CFAP54: variants seen among roughly 807,000 people sequenced by gnomAD.
CFAP54 encodes the protein cilia and flagella associated protein 54, also known as cilia- and flagella-associated protein 54.
In CFAP54, 290 loss-of-function variants were observed where a neutral mutation model predicts 370.4. That is an observed-to-expected ratio of 0.78 (90% CI 0.71 to 0.86). The LOEUF is 0.86. CFAP54 is among the 40% of genes least tolerant of loss of function. The pLI is 0.00. For missense variants in CFAP54, 3,399 were observed against 3,528.7 expected (o/e 0.96, Z 0.93); for synonymous variants, 1,206 against 1,236.5 (o/e 0.98, Z 0.52).
intron 15 of CFAP54, among the ~76,000 whole-genome samples, chr12:96,549,023 T>G (rs1483976224): frequency 6.6e-6 from 1 of 152,028 alleles, no homozygotes; most frequent in Non-Finnish European, 1.5e-5. Context: ...CCCAGCTAAT[T>G]TTTTGTATTT....
intron 1 of CFAP54, among the ~76,000 whole-genome samples, chr12:96,499,307 AC>A (rs1181358785): frequency 1.3e-5 from 2 of 152,144 alleles, no homozygotes; most frequent in Non-Finnish European, 2.9e-5. Flanking sequence ...TGGGCCAAAG[AC>A]CTTAACAGAC....
In CFAP54 at chr12:96,538,478, A is replaced by G; in HGVS notation, c.1886A>G (p.Asn629Ser). ...ATTCAGCGGCTCAATATATCCAGAA[A>G]TGACTATGCAAAATTCACCCAGAAA... ...LGIQRLNISRNDYAKFTQKIS... is the reference protein window; with the variant it reads ...LGIQRLNISRSDYAKFTQKIS... Residue 629 changes from asparagine (N) to serine (S), a missense_variant, in exon 13 of 68, where the codon AAT becomes AGT. Transcript: ENST00000524981. The G allele has an allele frequency of 6.5e-7, 1 of 1,536,248 alleles. No homozygotes were observed. The highest frequency in any genetic ancestry group is 8.7e-7 in the Non-Finnish European group (1 of 1,146,876).
Position 96,744,132 on chromosome 12 carries a change from T to C in CFAP54, c.7670T>C (p.Ile2557Thr). 2 of 1,605,624 alleles carry C rather than the reference T, an allele frequency of 1.2e-6. No homozygotes were observed. The highest frequency in any genetic ancestry group is 1.7e-6 in the Non-Finnish European group (2 of 1,174,048). Residue 2557 changes from isoleucine (I) to threonine (T), a missense_variant, in exon 55 of 68, where the codon ATA becomes ACA. By Grantham distance (89) the Ile-to-Thr change is moderately conservative. This residue lies in a region of CFAP54 where 2,796 missense variants were observed against 2,869.7 expected (regional missense o/e 0.97). Transcript: ENST00000524981. ...CCCCATGTCATGTTATTGGCCAAAATAAAAATGAGAATTGGTAAGAACATT... is the reference window on the plus strand; with the variant it reads ...CCCCATGTCATGTTATTGGCCAAAACAAAAATGAGAATTGGTAAGAACATT... ...YLPHVMLLAK[I>T]KMRIGHTVAK...
At chr12:96,599,488 T>G (rs1459853411) in intron 26 of CFAP54, among the ~76,000 whole-genome samples, 1 of 152,200 alleles carries the variant, frequency 6.6e-6, no homozygotes, top group Non-Finnish European at 1.5e-5. Context: ...TGTGTCTTTA[T>G]AGCAGAATGA....
At chr12:96,579,045 T>C (rs1956007308) in intron 20 of CFAP54, among the ~76,000 whole-genome samples, 1 of 152,172 alleles carries the variant, frequency 6.6e-6, no homozygotes, top group African/African-American at 2.4e-5. Flanking sequence ...CAAATTCTGG[T>C]TTATATAATA....
chr12:96,748,357 G>A (rs1489751745), intron 55 of CFAP54, among the ~76,000 whole-genome samples: 3 of 151,958 alleles, frequency 2.0e-5, no homozygotes, highest in African/African-American at 7.3e-5. Flanking sequence ...CCTTTTTAAA[G>A]AAACTCTATT....
chr12:96,621,600 C>A lies in CFAP54; in HGVS notation c.3650C>A (p.Ser1217Ter). Reference sequence around the variant, plus strand: ...AATATTTTAAATTAGATTCTTCGTTCATGGAGGGAATATGACCTGGCAGTA... The same window carrying A: ...AATATTTTAAATTAGATTCTTCGTTAATGGAGGGAATATGACCTGGCAGTA... ...CIFYITKILR[S>*]WREYDLAVMI... The change falls in exon 27 of 68, where the codon TCA becomes TAA. Residue 1217 changes from serine to a stop codon, truncating the protein, a stop_gained. Coordinates refer to ENST00000524981, the MANE Select transcript of CFAP54 (RefSeq NM_001306084.2). LOFTEE classifies it high-confidence loss of function. 6.8e-7 allele frequency: 1 copy of A among 1,471,116 alleles called. No individual in the cohort carries two copies. The highest frequency in any genetic ancestry group is 9.1e-7 in the Non-Finnish European group (1 of 1,103,028). 91.1% of individuals were successfully genotyped at this position (1,471,116 alleles called of 1,614,324 possible).
intron 8 of CFAP54, among the ~76,000 whole-genome samples, chr12:96,523,677 A>G (rs1955344474): frequency 7.0e-6 from 1 of 142,904 alleles, no homozygotes; most frequent in Admixed American, 7.4e-5. Context: ...GTCTTTGTAA[A>G]AGGACAGGGA....
chr12:96,612,934 A>G (rs1404807706), intron 26 of CFAP54, among the ~76,000 whole-genome samples: 3 of 152,210 alleles, frequency 2.0e-5, no homozygotes, highest in Non-Finnish European at 4.4e-5. Context: ...AGACCTTAAC[A>G]CCACACTGTC....
chr12:96,871,041 G>C (rs895197811), intron 67 of CFAP54, among the ~76,000 whole-genome samples: 4 of 152,194 alleles, frequency 2.6e-5, no homozygotes, highest in African/African-American at 9.7e-5. Context: ...GGGTCTGCCA[G>C]AGTAGTTAGA....
intron 5 of CFAP54, 50 bp from the exon 6 acceptor site, chr12:96,518,878 A>G: frequency 6.8e-7 from 1 of 1,468,648 alleles, no homozygotes; most frequent in African/African-American, 1.4e-5. Context: ...TACAATTATC[A>G]TTATTAACTT....
intron 22 of CFAP54, among the ~76,000 whole-genome samples, chr12:96,583,603 T>C (rs1277203336): frequency 2.0e-5 from 3 of 152,220 alleles, no homozygotes; most frequent in Admixed American, 6.5e-5. Context: ...TGATTACTTT[T>C]CTTTTATAGT....
At chr12:96,763,380 C>T (rs1314364733) in intron 58 of CFAP54, among the ~76,000 whole-genome samples, 1 of 152,080 alleles carries the variant, frequency 6.6e-6, no homozygotes, top group Non-Finnish European at 1.5e-5. Flanking sequence ...AATATGATAG[C>T]AAATACTGCC....
At position 96,715,081 on chromosome 12, in the gene CFAP54, A is replaced by G. The variant is rs149962862; in HGVS notation, c.6725-3362A>G. On this transcript the variant is annotated intron_variant, in intron 48 of 67. Coordinates refer to ENST00000524981, the MANE Select transcript of CFAP54 (RefSeq NM_001306084.2). ...ATTTGCTAATTTCTGTGGTTTCTTC[A>G]TTGGAATAGGAAACAAAGACATCAA... Among the ~76,000 whole-genome samples the G allele has an allele frequency of 9.8e-5, 15 of 152,288 alleles. 1 individual carries two copies. Among genetic ancestry groups the G allele is most frequent in the African/African-American group, 3.6e-4 (15 of 41,560 alleles).
At chr12:96,767,459 TTAC>T (rs1958412329) in intron 60 of CFAP54, among the ~76,000 whole-genome samples, 1 of 152,236 alleles carries the variant, frequency 6.6e-6, no homozygotes, top group African/African-American at 2.4e-5. Flanking sequence ...TCATAGCATA[TTAC>T]ATTTTTTCAG....
At chr12:96,758,823 A>C (rs190296592) in intron 58 of CFAP54, among the ~76,000 whole-genome samples, 1 of 152,278 alleles carries the variant, frequency 6.6e-6, no homozygotes, top group East Asian at 1.9e-4. Flanking sequence ...TCAGTAAATC[A>C]GGGATGGGCT....
At chr12:96,540,795 A>G (rs757102777) in intron 13 of CFAP54, 42 bp from the exon 14 acceptor site, 41 of 1,280,912 alleles carry the variant, frequency 3.2e-5, no homozygotes, top group Admixed American at 1.0e-4. Context: ...CTACAGTTTC[A>G]TATACTTTTA....
Position 96,623,843 on chromosome 12 carries a change from C to T in CFAP54, c.3848C>T (p.Ala1283Val). 6.5e-7 allele frequency: 1 copy of T among 1,535,596 alleles called. No individual in the cohort carries two copies. The highest frequency in any genetic ancestry group is 8.7e-7 in the Non-Finnish European group (1 of 1,146,564). The change falls in exon 28 of 68, where the codon GCC becomes GTC. Residue 1283 changes from alanine (A) to valine (V), a missense_variant. Coordinates refer to ENST00000524981, the MANE Select transcript of CFAP54 (RefSeq NM_001306084.2). ...LLPEKINEQL[A>V]LLETHLLKLT... ...CCTGAAAAGATAAATGAACAGCTGGCCTTGTTGGAGACACACCTACTCAAA... is the reference window on the plus strand; with the variant it reads ...CCTGAAAAGATAAATGAACAGCTGGTCTTGTTGGAGACACACCTACTCAAA...
chr12:96,541,488 A>G (rs7962327), intron 14 of CFAP54, among the ~76,000 whole-genome samples: 63,441 of 151,738 alleles, frequency 0.42, 13,768 homozygotes, highest in South Asian at 0.46. Flanking sequence ...GTTTCACCAT[A>G]TTGACCACAC....
Sources: allele counts gnomAD v4.1 joint callset (sites outside exome capture counted in the v4.1 genomes callset), GRCh38; gene constraint gnomAD v4.1.1; regional missense constraint gnomAD v4.1.1; transcripts MANE v1.5; gene names NCBI Gene and HGNC (gene_info 2026-07-23, HGNC 2026-07-21).